LMX1A: variants seen among roughly 807,000 people sequenced by gnomAD.
LMX1A encodes the protein LIM homeobox transcription factor 1-alpha.
A neutral mutation model predicts 49.1 loss-of-function variants in LMX1A; 15 were observed. The observed-to-expected ratio is 0.31, with a 90% CI of 0.20 to 0.47. LMX1A has a LOEUF of 0.47. LMX1A is among the 20% of genes least tolerant of loss of function. The probability of loss-of-function intolerance (pLI) is 1.00; values close to 1 mark genes in which losing one functional copy is unlikely to be tolerated. For missense variants in LMX1A, 372 were observed against 475.8 expected, an observed-to-expected ratio of 0.78 and a Z score of 2.03; for synonymous variants, 167 against 185.7, an observed-to-expected ratio of 0.90 and a Z score of 0.82.
chr1:165,213,966 G>C (rs1256892228), intron 4 of LMX1A, among the ~76,000 whole-genome samples, 153 bp from the exon 5 acceptor site: 1 of 152,180 alleles, frequency 6.6e-6, no homozygotes, highest in Non-Finnish European at 1.5e-5. Flanking sequence ...AAGCTTCCAG[G>C]AAGAGGCTAA....
intron 3 of LMX1A, among the ~76,000 whole-genome samples, chr1:165,314,064 A>C (rs1352243602): frequency 2.6e-5 from 4 of 152,200 alleles, no homozygotes; most frequent in Non-Finnish European, 5.9e-5. Flanking sequence ...GAGTGTTAAC[A>C]ACAGAGAGAG....
chr1:165,260,433 T>C (rs563334194), intron 3 of LMX1A, among the ~76,000 whole-genome samples: 256 of 152,004 alleles, frequency 1.7e-3, no homozygotes, highest in Non-Finnish European at 2.6e-3. Flanking sequence ...TTCTGGGATC[T>C]CAGCAAGCCA....
chr1:165,263,369 C>T (rs1653506101), intron 3 of LMX1A, among the ~76,000 whole-genome samples: 1 of 152,186 alleles, frequency 6.6e-6, no homozygotes, highest in Non-Finnish European at 1.5e-5. Context: ...CCAACCACAA[C>T]CTCTCCATTT....
At chr1:165,352,352 T>A (rs529333895) in intron 3 of LMX1A, among the ~76,000 whole-genome samples, 1 of 152,198 alleles carries the variant, frequency 6.6e-6, no homozygotes, top group Non-Finnish European at 1.5e-5. Context: ...CAGAAGAGCG[T>A]ACCCACACCT....
At chr1:165,266,595 C>CTTT (rs61551654) in intron 3 of LMX1A, among the ~76,000 whole-genome samples, 6,494 of 79,098 alleles carry the variant, frequency 0.082, 714 homozygotes, top group Non-Finnish European at 0.085. Context: ...TTCTTTCTTT[C>CTTT]TTTTTTTTTT....
chr1:165,284,088 T>C (rs1654233525), intron 3 of LMX1A, among the ~76,000 whole-genome samples: 1 of 152,180 alleles, frequency 6.6e-6, no homozygotes, highest in Non-Finnish European at 1.5e-5. Flanking sequence ...AAGACATAAA[T>C]GTCCAGGGCT....
At chr1:165,247,588 G>A (rs1652906200) in intron 4 of LMX1A, among the ~76,000 whole-genome samples, 1 of 152,204 alleles carries the variant, frequency 6.6e-6, no homozygotes, top group South Asian at 2.1e-4. Context: ...CTTTCCTGAT[G>A]CCAGCTTTCT....
chr1:165,291,985 C>T (rs1326680156), intron 3 of LMX1A, among the ~76,000 whole-genome samples: 1 of 147,064 alleles, frequency 6.8e-6, no homozygotes, highest in Admixed American at 7.1e-5. Flanking sequence ...TGGCGTGAAC[C>T]CGGGAGGCGG....
chr1:165,261,976 A>G (rs1653453730), intron 3 of LMX1A, among the ~76,000 whole-genome samples: 1 of 152,228 alleles, frequency 6.6e-6, no homozygotes, highest in South Asian at 2.1e-4. Context: ...GAATGTACTT[A>G]ATGCCACTGA....
chr1:165,224,980 T>A (rs1321801456), intron 4 of LMX1A, among the ~76,000 whole-genome samples: 1 of 152,122 alleles, frequency 6.6e-6, no homozygotes. Context: ...GGAGAGCAGG[T>A]CATGAAAAAG....
chr1:165,318,524 G>T (rs191136380), intron 3 of LMX1A, among the ~76,000 whole-genome samples: 1 of 152,240 alleles, frequency 6.6e-6, no homozygotes, highest in African/African-American at 2.4e-5. Context: ...TGTGGTAGAT[G>T]CTGTGGATTG....
At chr1:165,326,723 C>G (rs940971708) in intron 3 of LMX1A, among the ~76,000 whole-genome samples, 23 of 152,192 alleles carry the variant, frequency 1.5e-4, no homozygotes, top group Admixed American at 6.5e-5. Flanking sequence ...ATCCTGTTTC[C>G]TGTCAAACTC....
chr1:165,344,174 A>G (rs1468572707), intron 3 of LMX1A, among the ~76,000 whole-genome samples: 2 of 152,238 alleles, frequency 1.3e-5, no homozygotes, highest in East Asian at 1.9e-4. Flanking sequence ...GAGGAGTGCA[A>G]TCAAAACTCC....
rs557491269 is a variant in LMX1A, at chr1:165,212,607, G to A, written c.669+1034C>T. ...TTTTTTCAAAATGTATTTCCTTTATGAATTTCAGTAAAGAATACCCTATTT... is the reference window on the plus strand; with the variant it reads ...TTTTTTCAAAATGTATTTCCTTTATAAATTTCAGTAAAGAATACCCTATTT... On this transcript the variant is annotated intron_variant, in intron 5 of 8. Coordinates refer to ENST00000342310, the MANE Select transcript of LMX1A (RefSeq NM_177398.4). Among the ~76,000 whole-genome samples the A allele has an allele frequency of 5.3e-5, 8 of 152,018 alleles. No homozygotes were observed. In the South Asian group the frequency reaches 1.7e-3, roughly 32 times the overall value.
intron 3 of LMX1A, among the ~76,000 whole-genome samples, chr1:165,276,241 T>A (rs1653963964): frequency 6.6e-6 from 1 of 152,186 alleles, no homozygotes; most frequent in African/African-American, 2.4e-5. Context: ...CATTGACCAA[T>A]CAATTGATTG....
At chr1:165,297,853 C>A (rs1654660431) in intron 3 of LMX1A, among the ~76,000 whole-genome samples, 1 of 152,176 alleles carries the variant, frequency 6.6e-6, no homozygotes, top group African/African-American at 2.4e-5. Flanking sequence ...GCTGTGGGAA[C>A]TCAGGCAAGT....
intron 3 of LMX1A, among the ~76,000 whole-genome samples, chr1:165,252,324 CTCTCT>C (rs1653090268): frequency 6.6e-6 from 1 of 152,190 alleles, no homozygotes; most frequent in African/African-American, 2.4e-5. Flanking sequence ...ATAAAGATGT[CTCTCT>C]TCTCTTCCTT....
chr1:165,316,721 G>A (rs1655239898), intron 3 of LMX1A, among the ~76,000 whole-genome samples: 2 of 152,172 alleles, frequency 1.3e-5, no homozygotes, highest in African/African-American at 2.4e-5. Context: ...GTTACACACA[G>A]GAGGCTGGCC....
At position 165,249,578 on chromosome 1, in the gene LMX1A, C is replaced by T. The variant is rs752679026; in HGVS notation, c.326G>A (p.Arg109Gln). 1.7e-5 allele frequency: 27 copies of T among 1,614,020 alleles called. No homozygotes were observed. The highest frequency in any genetic ancestry group is 3.3e-5 in the Admixed American group (2 of 59,992). The stretch of plus-strand genomic sequence containing the variant: ...CAGGTGGTATACACTCTTCTGGGCC[C>T]GCATAACAAACTCATTGGGAGCGAT... Reference protein sequence around the residue: ...EAIAPNEFVMRAQKSVYHLSC... With the variant: ...EAIAPNEFVMQAQKSVYHLSC... Residue 109 changes from arginine to glutamine, a missense_variant, in exon 4 of 9, where the codon CGG becomes CAG. Coordinates refer to ENST00000342310, the MANE Select transcript of LMX1A (RefSeq NM_177398.4).
Sources: allele counts gnomAD v4.1 joint callset (sites outside exome capture counted in the v4.1 genomes callset), GRCh38; gene constraint gnomAD v4.1.1; transcripts MANE v1.5; gene names NCBI Gene and HGNC (gene_info 2026-07-23, HGNC 2026-07-21).